Variants in ZMYM2 observed in about 807,000 individuals in gnomAD.
The protein encoded by ZMYM2 is zinc finger MYM-type protein 2.
ZMYM2 carries 56 observed loss-of-function variants against 162.8 expected under a neutral mutation model. That is an observed-to-expected ratio of 0.34 (90% CI 0.28 to 0.43). The LOEUF (loss-of-function observed/expected upper bound fraction) is 0.43. Among genes scored for constraint, ZMYM2 ranks in the 20% least tolerant of loss-of-function variants. ZMYM2 has a pLI of 1.00. For synonymous variants in ZMYM2, 510 were observed against 541.6 expected (o/e 0.94, Z 0.81); for missense variants, 1,275 against 1,621.8 (o/e 0.79, Z 3.67).
intron 2 of ZMYM2, among the ~76,000 whole-genome samples, chr13:19,971,262 A>ATATATATATATATTT (rs1329532735): frequency 7.7e-5 from 6 of 78,332 alleles, no homozygotes; most frequent in African/African-American, 1.4e-4. Context: ...ATATATATAT[A>ATATATATATATATTT]TTTTTTTTTT....
chr13:19,922,728 C>A, the ZMYM2 span, among the ~76,000 whole-genome samples: 1 of 152,014 alleles, frequency 6.6e-6, no homozygotes. Context: ...CCTGTAGTCC[C>A]AGCTATTCGG....
chr13:20,013,832 A>T (rs139794737), intron 6 of ZMYM2, among the ~76,000 whole-genome samples: 1 of 152,092 alleles, frequency 6.6e-6, no homozygotes, highest in African/African-American at 2.4e-5. Flanking sequence ...GTTTAGTAGT[A>T]CTTTGTTGAG....
At chr13:19,866,303 A>AT in the ZMYM2 span, among the ~76,000 whole-genome samples, 1 of 152,226 alleles carries the variant, frequency 6.6e-6, no homozygotes, top group Admixed American at 6.6e-5. Flanking sequence ...CACCTGGCAC[A>AT]TTAATTAATA....
At chr13:19,990,441 A>G (rs890877917) in intron 2 of ZMYM2, among the ~76,000 whole-genome samples, 2 of 152,204 alleles carry the variant, frequency 1.3e-5, no homozygotes, top group African/African-American at 4.8e-5. Context: ...TGCCTGGAAT[A>G]TCCTGTCCCC....
At chr13:20,037,356 C>CAT (rs976436151) in intron 12 of ZMYM2, among the ~76,000 whole-genome samples, 14 of 151,398 alleles carry the variant, frequency 9.2e-5, no homozygotes, top group African/African-American at 2.9e-4. Flanking sequence ...GCTGGGATTA[C>CAT]AGGCGCGTGC....
the ZMYM2 span, among the ~76,000 whole-genome samples, chr13:19,917,848 T>C: frequency 1.3e-5 from 2 of 151,402 alleles, no homozygotes; most frequent in Non-Finnish European, 2.9e-5. Context: ...AGCTTGAGTC[T>C]AGGAGTTTGA....
At chr13:19,947,146 A>G in the ZMYM2 span, among the ~76,000 whole-genome samples, 2 of 151,934 alleles carry the variant, frequency 1.3e-5, no homozygotes, top group Non-Finnish European at 2.9e-5. Context: ...GGTTCACGCC[A>G]TTCTCCTGCC....
At position 20,079,341 on chromosome 13, in the gene ZMYM2, AAAG is replaced by A. The variant is rs1290504182; in HGVS notation, c.3454-2674_3454-2672del. 1.3e-3 allele frequency among the ~76,000 whole-genome samples: 179 copies of A among 135,546 alleles called. 26 individuals carry two copies. Among genetic ancestry groups the A allele is most frequent in the African/African-American group, 5.1e-3 (167 of 32,930 alleles). The allele number at this position is 135,546 out of a possible 152,430, so 88.9% of individuals were successfully genotyped here. ...CAAAAAAAAAAAAAAAAAAAAAAAA[AAAG>A]GATACTTAATGAATTCAAATCCCAT... On this transcript the variant is annotated intron_variant, in intron 21 of 24. Transcript: ENST00000610343.
the ZMYM2 span, chr13:19,863,865 C>G: frequency 6.6e-6 from 1 of 152,294 alleles, no homozygotes; most frequent in Non-Finnish European, 1.5e-5. Context: ...TGCCAGCCCT[C>G]AACTCCCGGT....
At chr13:19,965,666 T>A (rs182661102) in intron 2 of ZMYM2, among the ~76,000 whole-genome samples, 5 of 152,156 alleles carry the variant, frequency 3.3e-5, no homozygotes, top group Non-Finnish European at 7.4e-5. Context: ...AATGAAAATT[T>A]TATTTTATCC....
the ZMYM2 span, among the ~76,000 whole-genome samples, chr13:19,945,011 A>G: frequency 6.6e-6 from 1 of 152,016 alleles, no homozygotes; most frequent in East Asian, 1.9e-4. Flanking sequence ...AAAACACAAA[A>G]CAAGGTCAAA....
chr13:19,997,694 C>T (rs1159934489), intron 3 of ZMYM2, among the ~76,000 whole-genome samples: 1 of 152,018 alleles, frequency 6.6e-6, no homozygotes, highest in Non-Finnish European at 1.5e-5. Flanking sequence ...GCTATTTTTT[C>T]TTTCTTATAT....
At chr13:20,012,359 T>A (rs1267456703) in intron 6 of ZMYM2, among the ~76,000 whole-genome samples, 1 of 152,130 alleles carries the variant, frequency 6.6e-6, no homozygotes, top group African/African-American at 2.4e-5. Context: ...TATTTTTTTT[T>A]AGTAGAGTTG....
At chr13:19,928,242 G>A in the ZMYM2 span, among the ~76,000 whole-genome samples, 1 of 152,188 alleles carries the variant, frequency 6.6e-6, no homozygotes, top group Admixed American at 6.6e-5. Flanking sequence ...CTTGGCTCAA[G>A]CGAGCCTCCC....
intron 2 of ZMYM2, among the ~76,000 whole-genome samples, chr13:19,965,582 C>G (rs369620110): frequency 1.3e-5 from 2 of 152,048 alleles, no homozygotes; most frequent in East Asian, 3.8e-4. Context: ...AGCATTTCAT[C>G]TAGACTTAGT....
chr13:20,010,930 C>T (rs182376307), intron 6 of ZMYM2, among the ~76,000 whole-genome samples: 8 of 152,310 alleles, frequency 5.3e-5, no homozygotes, highest in South Asian at 2.1e-4. Context: ...TGAGCCACTG[C>T]GCCTGGCCCT....
In ZMYM2 at chr13:19,993,514, A is replaced by T. The variant is rs1479509637; in HGVS notation, c.442A>T (p.Asn148Tyr). The change falls in exon 3 of 25, where the codon AAC becomes TAC. Residue 148 changes from asparagine to tyrosine, a missense_variant. Coordinates refer to ENST00000610343, the MANE Select transcript of ZMYM2 (RefSeq NM_197968.4). ...TGAACGAAGACCTCCTGAGACTAAA[A>T]ACAGAACCAATGATGTGGATTTCTC... ...FIERRPPETK[N>Y]RTNDVDFSTS... 2 of 1,614,090 alleles carry T rather than the reference A, an allele frequency of 1.2e-6. No homozygotes were observed. Among genetic ancestry groups the T allele is most frequent in the Admixed American group, 1.7e-5 (1 of 60,002 alleles).
the ZMYM2 span, among the ~76,000 whole-genome samples, chr13:19,921,505 A>G: frequency 6.6e-6 from 1 of 152,090 alleles, no homozygotes; most frequent in Non-Finnish European, 1.5e-5. Context: ...TACAATATTG[A>G]TTAGAAACAT....
intron 17 of ZMYM2, 95 bp from the exon 18 acceptor site, chr13:20,062,751 A>G (rs2140809480): frequency 8.0e-7 from 1 of 1,246,778 alleles, no homozygotes; most frequent in Non-Finnish European, 1.1e-6. Flanking sequence ...TTTATATTGC[A>G]TTTAAAATTA....
Sources: allele counts gnomAD v4.1 joint callset (sites outside exome capture counted in the v4.1 genomes callset), GRCh38; gene constraint gnomAD v4.1.1; transcripts MANE v1.5; gene names NCBI Gene and HGNC (gene_info 2026-07-23, HGNC 2026-07-21).